The following RAB11FIP2 variants were observed in gnomAD, a reference collection of about 807,000 sequenced individuals.
RAB11FIP2 encodes the protein rab11 family-interacting protein 2.
In RAB11FIP2, 16 loss-of-function variants were observed where a neutral mutation model predicts 40.9. The observed-to-expected ratio is 0.39, with a 90% confidence interval of 0.26 to 0.59. RAB11FIP2 has a LOEUF of 0.59. Ranked by LOEUF, RAB11FIP2 falls within the 20% of genes least tolerant of loss-of-function variation. RAB11FIP2 has a pLI of 0.53. For missense variants in RAB11FIP2, 532 were observed against 606.2 expected (o/e 0.88, Z 1.28); for synonymous variants, 228 against 213.7 (o/e 1.07, Z -0.58).
intron 1 of RAB11FIP2, 110 bp downstream of exon 1, chr10:118,045,701 T>G: frequency 2.4e-6 from 2 of 845,150 alleles, no homozygotes; most frequent in Non-Finnish European, 3.6e-6. Flanking sequence ...AACTGGATCA[T>G]ATTTCAATCC....
At position 118,031,238 on chromosome 10, in the gene RAB11FIP2, A is replaced by T. The variant is rs191655187; in HGVS notation, c.1265+7734T>A. ...TATGATGCCAACGACTGAACTTTAA[A>T]CTCATTCAGGAAAAAAAAGTCCATT... is the stretch of plus-strand genomic sequence containing the variant. On this transcript the variant is annotated intron_variant, in intron 3 of 4. Transcript: ENST00000355624. 1.0e-3 allele frequency among the ~76,000 whole-genome samples: 150 copies of T among 150,234 alleles called. 4 individuals are homozygous for T. Among genetic ancestry groups the T allele is most frequent in the Admixed American group, 9.4e-3 (141 of 14,994 alleles).
intron 3 of RAB11FIP2, among the ~76,000 whole-genome samples, chr10:118,031,602 G>A (rs1846414730): frequency 6.6e-6 from 1 of 152,006 alleles, no homozygotes; most frequent in African/African-American, 2.4e-5. Context: ...AGAAGTGGAA[G>A]GCACACTGCC....
intron 3 of RAB11FIP2, chr10:118,033,865 T>C (rs1846448064): frequency 7.5e-6 from 5 of 670,228 alleles, no homozygotes; most frequent in South Asian, 4.6e-5. Flanking sequence ...TAAATATATA[T>C]ATAAATCTCA....
chr10:118,038,748 G>C (rs1445649989), intron 3 of RAB11FIP2, among the ~76,000 whole-genome samples: 1 of 152,008 alleles, frequency 6.6e-6, no homozygotes, highest in African/African-American at 2.4e-5. Flanking sequence ...AGTGGAAGTA[G>C]ACCAGGATAG....
chr10:118,011,103 T>C (rs1846149392), intron 4 of RAB11FIP2, among the ~76,000 whole-genome samples: 1 of 152,006 alleles, frequency 6.6e-6, no homozygotes, highest in Non-Finnish European at 1.5e-5. Flanking sequence ...GGGGCTAAGA[T>C]TAGGTATAGG....
intron 3 of RAB11FIP2, among the ~76,000 whole-genome samples, chr10:118,022,828 A>G (rs1428789038): frequency 2.6e-5 from 4 of 152,230 alleles, no homozygotes; most frequent in Non-Finnish European, 4.4e-5. Context: ...ATTAATAACC[A>G]GTACTTAATA....
rs1368909115 is a variant in RAB11FIP2 at position 118,015,086 on chromosome 10, A to C, written c.1290T>G (p.Asn430Lys). ...SSSFHMSPTS[N>K]EDLRKIPDSN... Reference sequence around the variant, plus strand: ...TTACCGGGATTTTCCTGAGGTCTTCATTGCTTGTTGGACTCATATGAAAAC... The same window carrying C: ...TTACCGGGATTTTCCTGAGGTCTTCCTTGCTTGTTGGACTCATATGAAAAC... Residue 430 changes from asparagine (N) to lysine (K), a missense_variant, in exon 4 of 5, where the codon AAT (asparagine) becomes AAG (lysine). Coordinates refer to ENST00000355624, the MANE Select transcript of RAB11FIP2 (RefSeq NM_014904.3). The C allele has an allele frequency of 8.7e-6, 14 of 1,610,612 alleles. No individual in the cohort carries two copies. Among genetic ancestry groups the C allele is most frequent in the Non-Finnish European group, 1.1e-5 (13 of 1,177,912 alleles).
At chr10:118,045,661 A>T in intron 1 of RAB11FIP2, 150 bp downstream of exon 1, 1 of 607,450 alleles carries the variant, frequency 1.6e-6, no homozygotes, top group Non-Finnish European at 2.8e-6. Context: ...TGCTACTTTT[A>T]CTTCAGATTC....
chr10:118,039,973 G>T lies in RAB11FIP2; in HGVS notation c.796+150C>A. 6.3e-6 allele frequency: 4 copies of T among 630,782 alleles called. 1 individual carries two copies. The highest frequency in any genetic ancestry group is 5.8e-4 in the Middle Eastern group (2 of 3,448). 39.1% of individuals were successfully genotyped at this position (630,782 alleles called of 1,614,324 possible). On this transcript the variant is annotated intron_variant, in intron 2 of 4. Coordinates refer to ENST00000355624, the MANE Select transcript of RAB11FIP2 (RefSeq NM_014904.3). ...GCCTTCAAGGAACTTACCAATTTGAGGTATAGTAGGTACTCAATATTTGAT... is the reference window on the plus strand; with the variant it reads ...GCCTTCAAGGAACTTACCAATTTGATGTATAGTAGGTACTCAATATTTGAT...
intron 1 of RAB11FIP2, chr10:118,045,582 T>C: frequency 6.4e-6 from 3 of 469,168 alleles, no homozygotes; most frequent in African/African-American, 2.0e-5. Context: ...ATTCAATTAT[T>C]TGACAGATGT....
chr10:118,037,166 G>A (rs1480545473), intron 3 of RAB11FIP2, among the ~76,000 whole-genome samples: 1 of 152,038 alleles, frequency 6.6e-6, no homozygotes, highest in African/African-American at 2.4e-5. Context: ...AAGATTTAAT[G>A]TAATATGTGA....
intron 2 of RAB11FIP2, chr10:118,039,680 T>C: frequency 2.2e-6 from 1 of 462,120 alleles, no homozygotes; most frequent in South Asian, 3.9e-5. Flanking sequence ...CACAATCATA[T>C]AAACTATGAT....
At chr10:118,010,404 G>C (rs1397230395) in intron 4 of RAB11FIP2, among the ~76,000 whole-genome samples, 1 of 152,078 alleles carries the variant, frequency 6.6e-6, no homozygotes, top group Non-Finnish European at 1.5e-5. Flanking sequence ...ATGGGGAATG[G>C]GGACTGGTGA....
chr10:118,024,114 AT>A (rs1306703564), intron 3 of RAB11FIP2, among the ~76,000 whole-genome samples: 31 of 151,812 alleles, frequency 2.0e-4, no homozygotes, highest in Admixed American at 1.8e-3. Flanking sequence ...AAAGAATAGA[AT>A]AGAAATAATT....
intron 1 of RAB11FIP2, among the ~76,000 whole-genome samples, chr10:118,041,410 C>G (rs1402554057): frequency 6.6e-6 from 1 of 152,116 alleles, no homozygotes; most frequent in East Asian, 1.9e-4. Flanking sequence ...AAATGATATA[C>G]AAGAAGCAAT....
intron 3 of RAB11FIP2, among the ~76,000 whole-genome samples, chr10:118,017,055 G>A (rs533764411): frequency 4.5e-4 from 68 of 152,178 alleles, no homozygotes; most frequent in African/African-American, 1.4e-3. Flanking sequence ...TGATCCTTAC[G>A]GTAGTCTTAC....
chr10:118,023,644 C>T (rs1017191808), intron 3 of RAB11FIP2, among the ~76,000 whole-genome samples: 4 of 152,088 alleles, frequency 2.6e-5, no homozygotes, highest in Admixed American at 6.5e-5. Flanking sequence ...CCAAAGATCA[C>T]GGACAGCAAA....
chr10:118,038,080 A>G (rs967155630), intron 3 of RAB11FIP2, among the ~76,000 whole-genome samples: 1 of 151,920 alleles, frequency 6.6e-6, no homozygotes, highest in Non-Finnish European at 1.5e-5. Flanking sequence ...TGAATCCAAA[A>G]ATGCAGAACC....
intron 4 of RAB11FIP2, among the ~76,000 whole-genome samples, chr10:118,012,970 C>T (rs1225797968): frequency 3.3e-5 from 5 of 152,060 alleles, no homozygotes. Context: ...AGAATTACTA[C>T]ATGAAGTTTT....
Sources: allele counts gnomAD v4.1 joint callset (sites outside exome capture counted in the v4.1 genomes callset), GRCh38; gene constraint gnomAD v4.1.1; transcripts MANE v1.5; gene names NCBI Gene and HGNC (gene_info 2026-07-23, HGNC 2026-07-21).